Variants in CPQ observed in about 807,000 individuals in gnomAD.
CPQ encodes carboxypeptidase Q, also known as Ser-Met dipeptidase.
In CPQ, 37 loss-of-function variants were observed where a neutral mutation model predicts 45.7. The observed-to-expected ratio is 0.81, with a 90% CI of 0.62 to 1.07. CPQ has a LOEUF of 1.07. CPQ is among the 50% of genes least tolerant of loss of function. The probability of loss-of-function intolerance (pLI) is 0.00; values close to 1 mark genes in which losing one functional copy is unlikely to be tolerated. For synonymous variants in CPQ, 186 were observed against 205.8 expected (o/e 0.90, Z 0.82); for missense variants, 537 against 572.9 (o/e 0.94, Z 0.64).
intron 6 of CPQ, among the ~76,000 whole-genome samples, chr8:97,044,481 A>G (rs1371350512): frequency 2.0e-5 from 3 of 152,224 alleles, no homozygotes; most frequent in Admixed American, 1.3e-4. Context: ...TCTTCTCTCA[A>G]CTTGTCAAAG....
At chr8:96,819,206 T>G (rs896204821) in intron 2 of CPQ, among the ~76,000 whole-genome samples, 2 of 107,036 alleles carry the variant, frequency 1.9e-5, no homozygotes, top group Non-Finnish European at 2.2e-5. Flanking sequence ...GAGGGGCTAA[T>G]ATGAGGGAGC....
intron 5 of CPQ, among the ~76,000 whole-genome samples, chr8:96,992,772 A>G (rs2130409186): frequency 6.6e-6 from 1 of 152,300 alleles, no homozygotes; most frequent in African/African-American, 2.4e-5. Flanking sequence ...CCATAAATTA[A>G]CCAGAGATAA....
Position 96,966,058 on chromosome 8 carries a change from G to T in CPQ, c.961+12G>T, listed in dbSNP as rs773079583. 3 of 1,582,242 alleles carry T rather than the reference G, an allele frequency of 1.9e-6. No homozygotes were observed. The South Asian group carries it at 3.4e-5, about 18-fold the overall frequency. ...TATTAAAGATCTTGGTAAATATTTA[G>T]AAAATTGTTAACTAATGTGTGAGGA... On this transcript the variant is annotated intron_variant, in intron 5 of 7. Coordinates refer to ENST00000220763, the MANE Select transcript of CPQ (RefSeq NM_016134.4).
At chr8:97,139,008 A>ACC (rs1812109189) in intron 7 of CPQ, among the ~76,000 whole-genome samples, 1 of 152,124 alleles carries the variant, frequency 6.6e-6, no homozygotes, top group South Asian at 2.1e-4. Context: ...AAAAAATTCA[A>ACC]CTCTAAACTA....
chr8:96,921,303 T>C (rs1294937802), intron 4 of CPQ, among the ~76,000 whole-genome samples: 1 of 152,232 alleles, frequency 6.6e-6, no homozygotes, highest in African/African-American at 2.4e-5. Flanking sequence ...CACTGGTGAC[T>C]GTGGATTGCT....
At chr8:96,773,105 G>A (rs1810566981) in intron 1 of CPQ, among the ~76,000 whole-genome samples, 2 of 152,070 alleles carry the variant, frequency 1.3e-5, no homozygotes, top group Admixed American at 6.6e-5. Context: ...CTAGTTTAAA[G>A]GAGCAAATGA....
chr8:97,099,249 G>A (rs1198712864), intron 7 of CPQ, among the ~76,000 whole-genome samples: 6 of 147,980 alleles, frequency 4.1e-5, no homozygotes, highest in South Asian at 4.3e-4. Context: ...TCCTGCCTCT[G>A]CCTCCTGAGT....
intron 1 of CPQ, among the ~76,000 whole-genome samples, chr8:96,777,056 C>G (rs1586396124): frequency 1.3e-5 from 2 of 152,018 alleles, no homozygotes; most frequent in South Asian, 2.1e-4. Context: ...CTTGAGAGAG[C>G]AGTAGAGTTT....
chr8:97,056,981 T>C (rs1262391331), intron 6 of CPQ, among the ~76,000 whole-genome samples: 1 of 152,194 alleles, frequency 6.6e-6, no homozygotes, highest in South Asian at 2.1e-4. Flanking sequence ...AGTTATTGCC[T>C]CTGCTGGTAA....
intron 1 of CPQ, among the ~76,000 whole-genome samples, chr8:96,753,642 AT>A (rs1810291223): frequency 1.4e-5 from 2 of 139,450 alleles, no homozygotes; most frequent in African/African-American, 5.0e-5. Context: ...TTGAATATGT[AT>A]TTTATAATTA....
At chr8:96,804,183 G>A (rs983078843) in intron 2 of CPQ, among the ~76,000 whole-genome samples, 5 of 152,180 alleles carry the variant, frequency 3.3e-5, no homozygotes, top group African/African-American at 1.2e-4. Context: ...TCAATGACTG[G>A]AGGAGCAAGT....
chr8:96,931,113 T>C (rs1812969330), intron 4 of CPQ, among the ~76,000 whole-genome samples: 1 of 152,182 alleles, frequency 6.6e-6, no homozygotes, highest in Non-Finnish European at 1.5e-5. Flanking sequence ...TTCTTCCCCG[T>C]AAGGGACAGG....
At chr8:96,844,759 T>C (rs532725418) in intron 3 of CPQ, among the ~76,000 whole-genome samples, 2 of 152,342 alleles carry the variant, frequency 1.3e-5, no homozygotes, top group Admixed American at 6.5e-5. Context: ...CAGCTCTAGA[T>C]AGAGCCCTCC....
At chr8:97,083,258 T>C (rs1462802809) in intron 7 of CPQ, among the ~76,000 whole-genome samples, 1 of 152,194 alleles carries the variant, frequency 6.6e-6, no homozygotes, top group Admixed American at 6.5e-5. Flanking sequence ...TAAAGCATTA[T>C]TGAAAAAGCT....
intron 7 of CPQ, among the ~76,000 whole-genome samples, chr8:97,080,232 C>T (rs987987171): frequency 2.6e-5 from 4 of 152,122 alleles, no homozygotes; most frequent in African/African-American, 7.2e-5. Context: ...CATTGCATTG[C>T]GATTGGCAGT....
chr8:97,029,379 T>A, intron 5 of CPQ, 24 bp from the exon 6 acceptor site: 1 of 1,558,632 alleles, frequency 6.4e-7, no homozygotes, highest in Non-Finnish European at 8.7e-7. Context: ...AAAGTATCAC[T>A]TTTTTATTTT....
At chr8:97,096,408 T>C (rs531108666) in intron 7 of CPQ, among the ~76,000 whole-genome samples, 3 of 152,334 alleles carry the variant, frequency 2.0e-5, no homozygotes, top group Non-Finnish European at 4.4e-5. Context: ...ATTAGGTCTT[T>C]GAATAAAACA....
chr8:97,084,812 C>CTGTGTGTGTGTGTGTGTG (rs140213784), intron 7 of CPQ, among the ~76,000 whole-genome samples: 9 of 150,454 alleles, frequency 6.0e-5, no homozygotes, highest in African/African-American at 2.2e-4. Flanking sequence ...TGTGTATACT[C>CTGTGTGTGTGTGTGTGTG]TGTGTGTGTG....
intron 6 of CPQ, among the ~76,000 whole-genome samples, chr8:97,045,384 G>C (rs1011524359): frequency 1.3e-5 from 2 of 152,130 alleles, no homozygotes; most frequent in Non-Finnish European, 2.9e-5. Flanking sequence ...TCCAGGTGCC[G>C]TCTGTCACCC....
Sources: allele counts gnomAD v4.1 joint callset (sites outside exome capture counted in the v4.1 genomes callset), GRCh38; gene constraint gnomAD v4.1.1; transcripts MANE v1.5; gene names NCBI Gene and HGNC (gene_info 2026-07-23, HGNC 2026-07-21).